The following LDLRAD4 variants were observed in gnomAD, a reference collection of about 807,000 sequenced individuals.
The protein encoded by LDLRAD4 is low-density lipoprotein receptor class A domain-containing protein 4.
A neutral mutation model predicts 17.0 loss-of-function variants in LDLRAD4; 5 were observed. The ratio of observed to expected loss-of-function variants is 0.29; its 90% confidence interval spans 0.15 to 0.62. The LOEUF (loss-of-function observed/expected upper bound fraction) is 0.62. Among genes scored for constraint, LDLRAD4 ranks in the 20% least tolerant of loss-of-function variants. The pLI, the probability that LDLRAD4 is intolerant of heterozygous loss-of-function variation, is 0.84. For missense variants in LDLRAD4, 340 were observed against 424.7 expected, an observed-to-expected ratio of 0.80 and a Z score of 1.75; for synonymous variants, 168 against 171.8, an observed-to-expected ratio of 0.98 and a Z score of 0.17.
At chr18:13,230,386 G>A (rs75568752) in intron 1 of LDLRAD4, among the ~76,000 whole-genome samples, 3,598 of 152,154 alleles carry the variant, frequency 0.024, 146 homozygotes, top group African/African-American at 0.083. Flanking sequence ...GAACAAACAG[G>A]GAAAGAGTAA....
intron 1 of LDLRAD4, among the ~76,000 whole-genome samples, chr18:13,247,145 G>T (rs924509542): frequency 2.0e-5 from 3 of 152,216 alleles, no homozygotes. Context: ...AGAATTACAG[G>T]TTCTGTTTTT....
chr18:13,252,863 C>G (rs4797754), intron 1 of LDLRAD4, among the ~76,000 whole-genome samples: 42,772 of 152,236 alleles, frequency 0.28, 6,804 homozygotes, highest in Admixed American at 0.42. Context: ...TGCGCTGTTC[C>G]TAGAATAGTG....
At chr18:13,284,967 A>T (rs938330646) in intron 1 of LDLRAD4, among the ~76,000 whole-genome samples, 1 of 152,164 alleles carries the variant, frequency 6.6e-6, no homozygotes, top group African/African-American at 2.4e-5. Context: ...GGCATGTCGG[A>T]CGGGCTGTGC....
intron 3 of LDLRAD4, among the ~76,000 whole-genome samples, chr18:13,485,176 G>A (rs79017089): frequency 0.073 from 11,075 of 152,304 alleles, 512 homozygotes; most frequent in Non-Finnish European, 0.11. Flanking sequence ...AGCTCCTCGT[G>A]GGGAGGACCT....
intron 1 of LDLRAD4, among the ~76,000 whole-genome samples, chr18:13,223,064 G>A (rs1179189968): frequency 6.6e-6 from 1 of 152,204 alleles, no homozygotes; most frequent in Admixed American, 6.5e-5. Context: ...AGAGTGACAG[G>A]TGTAATGAAC....
At chr18:13,328,003 C>T (rs1331402690) in intron 1 of LDLRAD4, among the ~76,000 whole-genome samples, 2 of 152,178 alleles carry the variant, frequency 1.3e-5, no homozygotes, top group Admixed American at 1.3e-4. Flanking sequence ...GGGAAACACG[C>T]CTCATGAGAC....
At chr18:13,554,520 G>GT (rs1396724551) in intron 3 of LDLRAD4, among the ~76,000 whole-genome samples, 1 of 152,072 alleles carries the variant, frequency 6.6e-6, no homozygotes, top group Admixed American at 6.5e-5. Context: ...TGTGTTGCAT[G>GT]TGTAGACGGC....
At chr18:13,511,795 C>G (rs893994034) in intron 3 of LDLRAD4, among the ~76,000 whole-genome samples, 5 of 152,154 alleles carry the variant, frequency 3.3e-5, no homozygotes, top group African/African-American at 1.2e-4. Flanking sequence ...AACGTTGGCT[C>G]TCAGGAATAA....
intron 5 of LDLRAD4, among the ~76,000 whole-genome samples, chr18:13,643,831 G>A (rs969782394): frequency 5.9e-5 from 9 of 152,262 alleles, no homozygotes; most frequent in South Asian, 4.2e-4. Context: ...CTGTATGTAC[G>A]TGTGTAGATA....
chr18:13,607,734 T>G (rs1211966292), intron 3 of LDLRAD4, among the ~76,000 whole-genome samples: 1 of 152,232 alleles, frequency 6.6e-6, no homozygotes, highest in Non-Finnish European at 1.5e-5. Flanking sequence ...CTGAGGATGA[T>G]GGTTTCCAGC....
intron 1 of LDLRAD4, chr18:13,382,765 C>T (rs996254749): frequency 6.6e-6 from 1 of 152,296 alleles, no homozygotes; most frequent in African/African-American, 2.4e-5. Flanking sequence ...CTCTCCTTCT[C>T]TCTTGATTTA....
At chr18:13,546,597 T>A (rs1040361955) in intron 3 of LDLRAD4, among the ~76,000 whole-genome samples, 1 of 152,064 alleles carries the variant, frequency 6.6e-6, no homozygotes, top group Non-Finnish European at 1.5e-5. Flanking sequence ...GGTTTTTTTT[T>A]TAAATACCAC....
At chr18:13,254,162 G>A (rs550524250) in intron 1 of LDLRAD4, among the ~76,000 whole-genome samples, 3 of 152,366 alleles carry the variant, frequency 2.0e-5, no homozygotes, top group South Asian at 2.1e-4. Context: ...GGCTGAACAC[G>A]GACGGGCGGT....
At chr18:13,511,380 C>G (rs978702057) in intron 3 of LDLRAD4, among the ~76,000 whole-genome samples, 2 of 152,054 alleles carry the variant, frequency 1.3e-5, no homozygotes, top group Admixed American at 6.5e-5. Flanking sequence ...GGCATGGTCT[C>G]GCACACCTGT....
At chr18:13,588,925 C>CTTTTTTTTTTTTTTTTTT (rs1443900099) in intron 3 of LDLRAD4, among the ~76,000 whole-genome samples, 1 of 146,230 alleles carries the variant, frequency 6.8e-6, no homozygotes, top group Non-Finnish European at 1.5e-5. Context: ...TTTTTTTTTT[C>CTTTTTTTTTTTTTTTTTT]TTTTTTTCTT....
chr18:13,318,698 A>G (rs1291457955), intron 1 of LDLRAD4, among the ~76,000 whole-genome samples: 1 of 152,186 alleles, frequency 6.6e-6, no homozygotes, highest in Admixed American at 6.5e-5. Context: ...GGGGATTTCA[A>G]AGCCAGTGGA....
chr18:13,243,026 C>T (rs1334128086), intron 1 of LDLRAD4, among the ~76,000 whole-genome samples: 1 of 152,272 alleles, frequency 6.6e-6, no homozygotes, highest in Non-Finnish European at 1.5e-5. Flanking sequence ...CCTTCATTTC[C>T]ACATCTCAGT....
At chr18:13,224,486 T>TTC (rs1243247879) in intron 1 of LDLRAD4, among the ~76,000 whole-genome samples, 2 of 138,936 alleles carry the variant, frequency 1.4e-5, no homozygotes, top group African/African-American at 5.3e-5. Context: ...TTTTTTTTTT[T>TTC]TTTTTTTTTT....
chr18:13,600,654 C>CA (rs1347331578), intron 3 of LDLRAD4, among the ~76,000 whole-genome samples: 1 of 152,226 alleles, frequency 6.6e-6, no homozygotes, highest in Non-Finnish European at 1.5e-5. Context: ...TGCCACCCTG[C>CA]AGCCAACCTT....
Sources: gnomAD v4.1 joint callset for allele counts (sites outside exome capture counted in the v4.1 genomes callset) on GRCh38, gnomAD v4.1.1 for gene constraint, MANE v1.5 for transcripts, NCBI Gene and HGNC (gene_info 2026-07-23, HGNC 2026-07-21) for gene names.